Variants in EXOC6B observed in about 807,000 individuals in gnomAD.
EXOC6B encodes SEC15 homolog B.
EXOC6B carries 54 observed loss-of-function variants against 113.5 expected under a neutral mutation model. The observed-to-expected ratio is 0.48, with a 90% CI of 0.38 to 0.60. The LOEUF (loss-of-function observed/expected upper bound fraction) is 0.60, where lower values mean the gene tolerates loss of function less well. EXOC6B is among the 20% of genes least tolerant of loss of function. The pLI, the probability that EXOC6B is intolerant of heterozygous loss-of-function variation, is 0.00. For synonymous variants in EXOC6B, 357 were observed against 339.0 expected, an observed-to-expected ratio of 1.05 and a Z score of -0.58; for missense variants, 797 against 977.5, an observed-to-expected ratio of 0.82 and a Z score of 2.46.
intron 6 of EXOC6B, among the ~76,000 whole-genome samples, chr2:72,578,490 C>T (rs1018012246): frequency 6.6e-6 from 1 of 152,032 alleles, no homozygotes; most frequent in Non-Finnish European, 1.5e-5. Flanking sequence ...CCTTTCCTTG[C>T]CTCAATCTAA....
At position 72,369,350 on chromosome 2, in the gene EXOC6B, C is replaced by G. The variant is rs371596316; in HGVS notation, c.2122+10379G>C. 1.4e-3 allele frequency among the ~76,000 whole-genome samples: 218 copies of G among 152,100 alleles called. 1 individual carries two copies. Among genetic ancestry groups the G allele is most frequent in the Non-Finnish European group, 2.6e-3 (178 of 68,004 alleles). On this transcript the variant is annotated intron_variant, in intron 19 of 21. Transcript: ENST00000272427. Reference sequence around the variant, plus strand: ...AGGAGAACTACAAACCACTGCTCAACGAAATAAAAGAGGATACAAAGAAAT... The same window carrying G: ...AGGAGAACTACAAACCACTGCTCAAGGAAATAAAAGAGGATACAAAGAAAT...
At chr2:72,492,220 A>G in intron 16 of EXOC6B, 98 bp downstream of exon 16, 1 of 547,678 alleles carries the variant, frequency 1.8e-6, no homozygotes, top group Non-Finnish European at 3.3e-6. Flanking sequence ...TATCAGGAAG[A>G]GCATGTAGAA....
intron 5 of EXOC6B, among the ~76,000 whole-genome samples, chr2:72,723,285 G>A (rs1046678707): frequency 2.0e-5 from 3 of 152,158 alleles, no homozygotes; most frequent in Admixed American, 2.0e-4. Context: ...TAACAGAGAT[G>A]CAATCAGAAC....
chr2:72,474,394 C>T (rs1190046986), intron 17 of EXOC6B, among the ~76,000 whole-genome samples: 6 of 151,922 alleles, frequency 3.9e-5, no homozygotes, highest in Non-Finnish European at 5.9e-5. Context: ...TTCTGGAACC[C>T]TTATAATTTG....
Position 72,492,355 on chromosome 2 carries a change from T to C in EXOC6B, c.1628A>G (p.Gln543Arg). The C allele has an allele frequency of 1.2e-6, 2 of 1,612,858 alleles. No individual in the cohort carries two copies. Among genetic ancestry groups the C allele is most frequent in the African/African-American group, 1.3e-5 (1 of 74,980 alleles). The change falls in exon 16 of 22, where the codon CAG becomes CGG. Residue 543 changes from glutamine (Q) to arginine (R), a missense_variant. Coordinates refer to ENST00000272427, the MANE Select transcript of EXOC6B (RefSeq NM_015189.3). ...AATATTCTTCCTTTTAATTACATTC[T>C]GCAGAGAGTTGCTCAGAGTCCTGGT... is the stretch of plus-strand genomic sequence containing the variant. ...LLTRTLSNSL[Q>R]NVIKRKNIGL...
At chr2:72,456,849 C>T (rs1470844337) in intron 18 of EXOC6B, among the ~76,000 whole-genome samples, 1 of 151,876 alleles carries the variant, frequency 6.6e-6, no homozygotes, top group African/African-American at 2.4e-5. Context: ...TAATTCGTGC[C>T]ATTTTAAAAA....
intron 7 of EXOC6B, among the ~76,000 whole-genome samples, chr2:72,570,744 G>A (rs575055156): frequency 3.2e-4 from 48 of 152,200 alleles, no homozygotes; most frequent in Middle Eastern, 6.8e-3. Context: ...GAAAAAATAC[G>A]CCCTGCTTTT....
intron 6 of EXOC6B, among the ~76,000 whole-genome samples, chr2:72,705,646 TCTC>T (rs930203369): frequency 2.0e-5 from 3 of 151,868 alleles, no homozygotes; most frequent in Admixed American, 1.3e-4. Flanking sequence ...TGACAAAGCC[TCTC>T]CTATCCCCTC....
intron 8 of EXOC6B, among the ~76,000 whole-genome samples, chr2:72,556,898 C>G (rs1703577527): frequency 1.3e-5 from 2 of 151,548 alleles, no homozygotes; most frequent in African/African-American, 4.9e-5. Context: ...TTTAAACATT[C>G]TAAACTGTCA....
chr2:72,421,639 T>C (rs1006053772), intron 18 of EXOC6B, among the ~76,000 whole-genome samples: 7 of 152,276 alleles, frequency 4.6e-5, no homozygotes, highest in African/African-American at 1.4e-4. Context: ...AATATTTTTG[T>C]TGCTACTGAG....
At chr2:72,805,625 T>C (rs1685541725) in intron 1 of EXOC6B, among the ~76,000 whole-genome samples, 1 of 152,208 alleles carries the variant, frequency 6.6e-6, no homozygotes, top group South Asian at 2.1e-4. Context: ...TCACATACTT[T>C]TTTTTTGTGG....
At position 72,527,663 on chromosome 2, in the gene EXOC6B, T is replaced by A. The variant is rs150499023; in HGVS notation, c.916-12537A>T. On this transcript the variant is annotated intron_variant, in intron 8 of 21. Transcript: ENST00000272427. ...GCCAAATTGTTTTCCAGAGTGACTATGCCATTTTACATTATACTATTTTAT... is the reference window on the plus strand; with the variant it reads ...GCCAAATTGTTTTCCAGAGTGACTAAGCCATTTTACATTATACTATTTTAT... 2.2e-4 allele frequency among the ~76,000 whole-genome samples: 33 copies of A among 152,156 alleles called. No individual in the cohort carries two copies. In the East Asian group the frequency reaches 6.2e-3, roughly 28 times the overall value.
intron 16 of EXOC6B, among the ~76,000 whole-genome samples, chr2:72,491,984 A>G (rs528780027): frequency 2.0e-5 from 3 of 152,304 alleles, no homozygotes; most frequent in Middle Eastern, 3.4e-3. Context: ...ACTGCCATTC[A>G]CTTGATTGGA....
intron 6 of EXOC6B, among the ~76,000 whole-genome samples, chr2:72,639,820 C>T (rs1283200283): frequency 3.3e-5 from 5 of 152,092 alleles, no homozygotes; most frequent in Non-Finnish European, 5.9e-5. Context: ...ATACCACAAT[C>T]GTATTCTCAA....
chr2:72,574,831 G>A (rs1401791234), intron 7 of EXOC6B, among the ~76,000 whole-genome samples: 1 of 152,070 alleles, frequency 6.6e-6, no homozygotes, highest in Non-Finnish European at 1.5e-5. Context: ...AAGTCTCAAA[G>A]GTCATAATAG....
chr2:72,700,617 G>A (rs562296995), intron 6 of EXOC6B, among the ~76,000 whole-genome samples: 4 of 152,270 alleles, frequency 2.6e-5, no homozygotes, highest in South Asian at 2.1e-4. Context: ...CAGTGTTGAC[G>A]ACTGCACAAC....
chr2:72,456,288 T>C (rs1467191257), intron 18 of EXOC6B, among the ~76,000 whole-genome samples: 6 of 152,206 alleles, frequency 3.9e-5, no homozygotes, highest in Non-Finnish European at 7.4e-5. Flanking sequence ...TTGGTCATTA[T>C]CTCAAAATAA....
chr2:72,281,044 CA>C (rs1197978086), intron 20 of EXOC6B, among the ~76,000 whole-genome samples: 4 of 152,036 alleles, frequency 2.6e-5, no homozygotes, highest in Non-Finnish European at 5.9e-5. Flanking sequence ...AATTGGAGTC[CA>C]GGTTCCACCT....
intron 11 of EXOC6B, among the ~76,000 whole-genome samples, chr2:72,502,045 C>G (rs11126371): frequency 0.85 from 129,755 of 152,094 alleles, 55,842 homozygotes; most frequent in East Asian, 0.99. Context: ...TTACAGGCAT[C>G]AGCCACCACA....
Sources: gnomAD v4.1 joint callset for allele counts (sites outside exome capture counted in the v4.1 genomes callset) on GRCh38, gnomAD v4.1.1 for gene constraint, MANE v1.5 for transcripts, NCBI Gene and HGNC (gene_info 2026-07-23, HGNC 2026-07-21) for gene names.